The following IGSF10 variants were observed in gnomAD, a reference collection of about 807,000 sequenced individuals.
The protein encoded by IGSF10 is calvaria mechanical force protein 608.
A neutral mutation model predicts 128.2 loss-of-function variants in IGSF10; 126 were observed. That is an observed-to-expected ratio of 0.98 (90% CI 0.85 to 1.14). The LOEUF is 1.14. IGSF10 is among the 50% of genes most tolerant of loss of function. IGSF10 has a pLI of 0.00. For missense variants in IGSF10, 3,295 were observed against 3,149.8 expected (o/e 1.05, Z -1.10); for synonymous variants, 1,185 against 1,146.2 (o/e 1.03, Z -0.68).
the IGSF10 span, among the ~76,000 whole-genome samples, chr3:151,522,189 C>T: frequency 6.6e-5 from 10 of 151,870 alleles, no homozygotes; most frequent in East Asian, 9.7e-4. Flanking sequence ...GATCAAAAAT[C>T]GAATCACTAA....
the IGSF10 span, among the ~76,000 whole-genome samples, chr3:151,558,237 A>G: frequency 6.6e-6 from 1 of 150,950 alleles, no homozygotes; most frequent in Non-Finnish European, 1.5e-5. Flanking sequence ...CAGTTACAGT[A>G]ACCCAACAAA....
chr3:151,569,076 C>T, the IGSF10 span, among the ~76,000 whole-genome samples: 8 of 152,258 alleles, frequency 5.3e-5, no homozygotes, highest in African/African-American at 1.7e-4. Context: ...CTCCTTTCCA[C>T]CTGTATTTAA....
At chr3:151,502,119 T>A in the IGSF10 span, among the ~76,000 whole-genome samples, 757 of 152,196 alleles carry the variant, frequency 5.0e-3, 7 homozygotes, top group African/African-American at 0.018. Flanking sequence ...ATGTTACACC[T>A]ATGACTCTCC....
chr3:151,480,883 C>T, the IGSF10 span, among the ~76,000 whole-genome samples: 1 of 152,110 alleles, frequency 6.6e-6, no homozygotes, highest in East Asian at 1.9e-4. Flanking sequence ...CACCCCATTC[C>T]CCCAGCAACC....
chr3:151,558,006 A>ATATATATATATTATATATAT, the IGSF10 span, among the ~76,000 whole-genome samples: 3 of 26,670 alleles, frequency 1.1e-4, no homozygotes, highest in Admixed American at 6.7e-4. Context: ...AGTATATATA[A>ATATATATATATTATATATAT]TATATATATA....
At chr3:151,557,982 C>T in the IGSF10 span, among the ~76,000 whole-genome samples, 1 of 11,996 alleles carries the variant, frequency 8.3e-5, no homozygotes. Flanking sequence ...TTAACAGATG[C>T]AAAGCAAATA....
the IGSF10 span, among the ~76,000 whole-genome samples, chr3:151,596,478 A>ATG: frequency 5.8e-4 from 87 of 151,266 alleles, 1 homozygote; most frequent in East Asian, 2.7e-3. Flanking sequence ...TATGGTGTTT[A>ATG]TGTGTGTGTG....
At chr3:151,556,391 C>A in the IGSF10 span, among the ~76,000 whole-genome samples, 1 of 152,148 alleles carries the variant, frequency 6.6e-6, no homozygotes, top group Non-Finnish European at 1.5e-5. Flanking sequence ...CTTTCCCTTG[C>A]TCTCTCATGG....
At chr3:151,468,287 A>G in the IGSF10 span, among the ~76,000 whole-genome samples, 1 of 152,220 alleles carries the variant, frequency 6.6e-6, no homozygotes, top group Non-Finnish European at 1.5e-5. Flanking sequence ...CTGACCCTTC[A>G]GTTACAATGG....
the IGSF10 span, among the ~76,000 whole-genome samples, chr3:151,486,752 T>C: frequency 1.3e-5 from 2 of 152,084 alleles, no homozygotes; most frequent in Non-Finnish European, 2.9e-5. Flanking sequence ...AATAATGAAA[T>C]GACAGCAGAA....
At chr3:151,503,377 T>C in the IGSF10 span, among the ~76,000 whole-genome samples, 6 of 151,966 alleles carry the variant, frequency 3.9e-5, no homozygotes, top group African/African-American at 9.7e-5. Flanking sequence ...AGTAATATAA[T>C]GTAAACTTAG....
chr3:151,540,778 A>G, the IGSF10 span, among the ~76,000 whole-genome samples: 2 of 152,184 alleles, frequency 1.3e-5, no homozygotes, highest in African/African-American at 4.8e-5. Context: ...GTTGCTTTAC[A>G]TCCTCACAAG....
the IGSF10 span, among the ~76,000 whole-genome samples, chr3:151,473,385 T>C: frequency 6.6e-6 from 1 of 152,150 alleles, no homozygotes; most frequent in Non-Finnish European, 1.5e-5. Flanking sequence ...ATCACTGCTA[T>C]TTGCTTTCCT....
At chr3:151,539,271 C>A in the IGSF10 span, among the ~76,000 whole-genome samples, 3 of 152,130 alleles carry the variant, frequency 2.0e-5, no homozygotes, top group Non-Finnish European at 2.9e-5. Flanking sequence ...CTCTGTAACC[C>A]GAGAGAAGAC....
At chr3:151,599,189 G>T in the IGSF10 span, among the ~76,000 whole-genome samples, 3 of 151,726 alleles carry the variant, frequency 2.0e-5, no homozygotes, top group South Asian at 4.2e-4. Flanking sequence ...CTATAAGGGG[G>T]TAAAACAGCT....
At chr3:151,521,168 A>G in the IGSF10 span, among the ~76,000 whole-genome samples, 1 of 151,960 alleles carries the variant, frequency 6.6e-6, no homozygotes, top group Non-Finnish European at 1.5e-5. Context: ...TCAATTCAAG[A>G]AAACCTAACT....
chr3:151,470,331 G>T, the IGSF10 span, among the ~76,000 whole-genome samples: 3 of 152,222 alleles, frequency 2.0e-5, no homozygotes, highest in Admixed American at 1.3e-4. Context: ...TGACTTGGCT[G>T]CTGAAGGAAT....
rs760159216 is a variant in IGSF10 at position 151,453,670 on chromosome 3, A to G, written c.429T>C (p.Phe143=). Residue 143 remains phenylalanine, a synonymous_variant, in exon 5 of 8, where the codon TTT becomes TTC. Transcript: ENST00000282466. ...RLHMDHNNIE[F]INPEVFYGLN... ...GCCCATAAAAAACCTCTGGGTTTAT[A>G]AACTCAATATTGTTGTGGTCCATGT... is the stretch of plus-strand genomic sequence containing the variant. The G allele has an allele frequency of 6.2e-7, 1 of 1,613,712 alleles. No individual in the cohort carries two copies. Among genetic ancestry groups the G allele is most frequent in the African/African-American group, 1.3e-5 (1 of 75,052 alleles).
chr3:151,503,205 T>A, the IGSF10 span, among the ~76,000 whole-genome samples: 1 of 151,878 alleles, frequency 6.6e-6, no homozygotes, highest in African/African-American at 2.4e-5. Flanking sequence ...TACAAATAAA[T>A]CTTCAAGTAC....
Sources: allele counts gnomAD v4.1 joint callset (sites outside exome capture counted in the v4.1 genomes callset), GRCh38; gene constraint gnomAD v4.1.1; transcripts MANE v1.5; gene names NCBI Gene and HGNC (gene_info 2026-07-23, HGNC 2026-07-21).